LRFN2: variants seen among roughly 807,000 people sequenced by gnomAD.
LRFN2 encodes the protein leucine rich repeat and fibronectin type III domain containing 2.
A neutral mutation model predicts 37.3 loss-of-function variants in LRFN2; 18 were observed. That is an observed-to-expected ratio of 0.48 (90% CI 0.33 to 0.72). The LOEUF (loss-of-function observed/expected upper bound fraction) is 0.72. Ranked by LOEUF, LRFN2 falls within the 30% of genes least tolerant of loss-of-function variation. LRFN2 has a pLI of 0.02. For synonymous variants in LRFN2, 556 were observed against 466.6 expected (o/e 1.19, Z -2.47); for missense variants, 1,006 against 1,060.7 (o/e 0.95, Z 0.72).
At chr6:40,459,840 A>T (rs1333303019) in intron 1 of LRFN2, among the ~76,000 whole-genome samples, 1 of 152,200 alleles carries the variant, frequency 6.6e-6, no homozygotes, top group African/African-American at 2.4e-5. Context: ...GGCCTCATAC[A>T]TTATTTCGCC....
rs182772985 is a variant in LRFN2, at chr6:40,557,418, C to T, written c.-19+29523G>A. Reference sequence around the variant, plus strand: ...GGTGGCGGGGTCAAGGCTACCACTGCTGGCCTTTATCCTAGAGAGTCACAG... The same window carrying T: ...GGTGGCGGGGTCAAGGCTACCACTGTTGGCCTTTATCCTAGAGAGTCACAG... On this transcript the variant is annotated intron_variant, in intron 1 of 2. Coordinates refer to ENST00000338305, the MANE Select transcript of LRFN2 (RefSeq NM_020737.3). 7.9e-5 allele frequency among the ~76,000 whole-genome samples: 12 copies of T among 152,314 alleles called. 1 individual carries two copies. In the East Asian group the frequency reaches 2.3e-3, roughly 29 times the overall value.
chr6:40,453,347 G>C (rs1764157878), intron 1 of LRFN2, among the ~76,000 whole-genome samples: 1 of 151,910 alleles, frequency 6.6e-6, no homozygotes, highest in South Asian at 2.1e-4. Context: ...ACAATGTGGG[G>C]GATAGATGAA....
intron 1 of LRFN2, among the ~76,000 whole-genome samples, chr6:40,555,091 G>C (rs1028976383): frequency 2.0e-5 from 3 of 152,198 alleles, no homozygotes; most frequent in African/African-American, 7.2e-5. Context: ...CCCTGGGTAA[G>C]ATGTTCTTTT....
At chr6:40,421,861 T>C (rs908108160) in intron 2 of LRFN2, among the ~76,000 whole-genome samples, 1 of 152,238 alleles carries the variant, frequency 6.6e-6, no homozygotes. Context: ...TTTCTGCTAC[T>C]AGAAGCACTT....
intron 1 of LRFN2, among the ~76,000 whole-genome samples, chr6:40,433,940 G>A (rs1763578668): frequency 6.6e-6 from 1 of 152,104 alleles, no homozygotes; most frequent in South Asian, 2.1e-4. Flanking sequence ...ATACACAGAC[G>A]AGGATTGATC....
Position 40,570,321 on chromosome 6 carries a change from G to C in LRFN2, c.-19+16620C>G, listed in dbSNP as rs564921266. Among the ~76,000 whole-genome samples, 7 of 152,306 alleles carry C rather than the reference G, an allele frequency of 4.6e-5. No individual in the cohort carries two copies. In the South Asian group the frequency reaches 1.5e-3, roughly 32 times the overall value. On this transcript the variant is annotated intron_variant, in intron 1 of 2. Transcript: ENST00000338305. ...GAGCACTTGCCATGTGCCAGACACT[G>C]TTCTAAGTGCTTTACATATATTAAC...
At position 40,564,830 on chromosome 6, in the gene LRFN2, A is replaced by G. The variant is rs554180548; in HGVS notation, c.-19+22111T>C. 1.9e-4 allele frequency among the ~76,000 whole-genome samples: 29 copies of G among 152,140 alleles called. 1 individual carries two copies. Among genetic ancestry groups the G allele is most frequent in the Non-Finnish European group, 1.8e-4 (12 of 68,002 alleles). ...CAGCATTGCCCACACCATGACCACA[A>G]TACCCATCTCCACCATCAGTGTGAT... is the stretch of plus-strand genomic sequence containing the variant. On this transcript the variant is annotated intron_variant, in intron 1 of 2. Coordinates refer to ENST00000338305, the MANE Select transcript of LRFN2 (RefSeq NM_020737.3).
chr6:40,410,052 A>G (rs779738166), intron 2 of LRFN2, among the ~76,000 whole-genome samples: 2 of 152,234 alleles, frequency 1.3e-5, no homozygotes, highest in Non-Finnish European at 2.9e-5. Flanking sequence ...GGGGAGAGTG[A>G]CGACCTATAG....
chr6:40,583,133 A>G (rs569674622), intron 1 of LRFN2, among the ~76,000 whole-genome samples: 4 of 152,178 alleles, frequency 2.6e-5, no homozygotes, highest in African/African-American at 9.6e-5. Flanking sequence ...TGGGGAGGCA[A>G]AAAAAGAGAA....
chr6:40,578,685 A>G (rs961889275), intron 1 of LRFN2, among the ~76,000 whole-genome samples: 1 of 152,222 alleles, frequency 6.6e-6, no homozygotes, highest in African/African-American at 2.4e-5. Context: ...TACCACTAAT[A>G]GCTCACACGT....
chr6:40,460,040 A>T (rs888893708), intron 1 of LRFN2, among the ~76,000 whole-genome samples: 1 of 152,220 alleles, frequency 6.6e-6, no homozygotes, highest in Non-Finnish European at 1.5e-5. Context: ...ATGGGTGCCC[A>T]TGAAGCTGGG....
intron 2 of LRFN2, among the ~76,000 whole-genome samples, chr6:40,420,123 C>G (rs989442355): frequency 6.6e-6 from 1 of 152,230 alleles, no homozygotes; most frequent in African/African-American, 2.4e-5. Flanking sequence ...CGGAGCCCAC[C>G]TTTGGAGCCC....
At chr6:40,442,327 T>C (rs140128166) in intron 1 of LRFN2, among the ~76,000 whole-genome samples, 421 of 152,318 alleles carry the variant, frequency 2.8e-3, no homozygotes, top group African/African-American at 9.6e-3. Context: ...AAAATTAAAA[T>C]AGGCTTTTCT....
intron 1 of LRFN2, among the ~76,000 whole-genome samples, chr6:40,490,012 G>A (rs1354885232): frequency 6.6e-6 from 1 of 152,190 alleles, no homozygotes; most frequent in Non-Finnish European, 1.5e-5. Flanking sequence ...CTGCAGCAGA[G>A]GGAGGGCCGC....
chr6:40,392,182 G>A lies in LRFN2; in HGVS notation c.2131C>T (p.Pro711Ser). The change falls in exon 3 of 3, where the codon CCC becomes TCC. Residue 711 changes from proline to serine, a missense_variant. By Grantham distance (74) the Pro-to-Ser change is moderately conservative. Around this residue, in one of 4 missense-constraint regions of LRFN2, gnomAD observed 398 missense variants for 327.6 expected, o/e 1.21. Transcript: ENST00000338305. This position sits in a 1 kb window ranked among gnomAD's most constrained non-coding sequence, Gnocchi z 4.7. ...TTGGCCTTGCCCTCCAACGGCAAGG[G>A]GAGCAGGCTCCTGGCCCGGGCCGCA... Reference protein sequence around the residue: ...PPAARARSLLPLPLEGKAKRS... With the variant: ...PPAARARSLLSLPLEGKAKRS... 1 of 1,593,496 alleles carries A rather than the reference G, an allele frequency of 6.3e-7. No individual in the cohort carries two copies. Among genetic ancestry groups the A allele is most frequent in the Non-Finnish European group, 8.6e-7 (1 of 1,169,246 alleles).
intron 1 of LRFN2, among the ~76,000 whole-genome samples, chr6:40,448,958 G>T (rs960044088): frequency 6.6e-6 from 1 of 152,114 alleles, no homozygotes; most frequent in Non-Finnish European, 1.5e-5. Context: ...TCAGGCTAGG[G>T]GCTCAGAAGT....
At chr6:40,507,521 G>T (rs1765577220) in intron 1 of LRFN2, among the ~76,000 whole-genome samples, 1 of 152,214 alleles carries the variant, frequency 6.6e-6, no homozygotes, top group Admixed American at 6.5e-5. Flanking sequence ...GCGGATTAAA[G>T]GTGGAGGGCT....
At chr6:40,563,962 T>C (rs551174259) in intron 1 of LRFN2, among the ~76,000 whole-genome samples, 1 of 152,322 alleles carries the variant, frequency 6.6e-6, no homozygotes, top group East Asian at 1.9e-4. Context: ...CCACTGCACT[T>C]ACCAACCGTG....
intron 1 of LRFN2, among the ~76,000 whole-genome samples, chr6:40,566,170 C>G (rs537733874): frequency 8.5e-4 from 130 of 152,268 alleles, no homozygotes; most frequent in African/African-American, 3.1e-3. Flanking sequence ...AAATGCAAAT[C>G]AAAACCACAA....
Sources: gnomAD v4.1 joint callset for allele counts (sites outside exome capture counted in the v4.1 genomes callset) on GRCh38, gnomAD v4.1.1 for gene constraint, gnomAD v4.1.1 regional missense constraint, Gnocchi (gnomAD v3.1) non-coding constraint, MANE v1.5 for transcripts, NCBI Gene and HGNC (gene_info 2026-07-23, HGNC 2026-07-21) for gene names.